Variants in RIN2 observed in about 807,000 individuals in gnomAD.
RIN2 encodes RAB5 interacting protein 2.
RIN2 carries 36 observed loss-of-function variants against 78.0 expected under a neutral mutation model. The observed-to-expected ratio is 0.46, with a 90% CI of 0.35 to 0.61. RIN2 has a LOEUF of 0.61. Among genes scored for constraint, RIN2 ranks in the 20% least tolerant of loss-of-function variants. The pLI, the probability that RIN2 is intolerant of heterozygous loss-of-function variation, is 0.00. For missense variants in RIN2, 1,087 were observed against 1,159.7 expected (o/e 0.94, Z 0.91); for synonymous variants, 466 against 466.8 (o/e 1.00, Z 0.02).
At chr20:19,803,001 A>G (rs1290390719) in intron 2 of RIN2, among the ~76,000 whole-genome samples, 12 of 152,166 alleles carry the variant, frequency 7.9e-5, no homozygotes, top group Non-Finnish European at 1.8e-4. Context: ...CCTCAGTGCA[A>G]TAGAACTTCA....
At chr20:19,931,010 A>C (rs2040418843) in intron 3 of RIN2, among the ~76,000 whole-genome samples, 1 of 152,104 alleles carries the variant, frequency 6.6e-6, no homozygotes, top group Non-Finnish European at 1.5e-5. Context: ...GAGCTTTGGG[A>C]GACCAAGGTG....
rs1163195197 is a variant in RIN2, at chr20:19,875,076, G to C, written c.-36-14490G>C. Among the ~76,000 whole-genome samples, 8 of 151,756 alleles carry C rather than the reference G, an allele frequency of 5.3e-5. No homozygotes were observed. In the East Asian group the frequency reaches 1.5e-3, roughly 29 times the overall value. On this transcript the variant is annotated intron_variant, in intron 2 of 12. Coordinates refer to ENST00000255006, the MANE Select transcript of RIN2 (RefSeq NM_018993.4). ...GGGTTTTGCTATGTTGTCCAGGCTG[G>C]TCTCCAACTCCTGACTTCAAGTGAT...
chr20:20,000,203 G>A (rs1601105144), intron 12 of RIN2, among the ~76,000 whole-genome samples: 1 of 152,220 alleles, frequency 6.6e-6, no homozygotes, highest in Non-Finnish European at 1.5e-5. Context: ...AGCACAGTAC[G>A]TGCTTTTGTG....
chr20:19,811,932 T>A lies in RIN2; in HGVS notation c.-37+12185T>A, dbSNP rs148246503. Among the ~76,000 whole-genome samples the A allele has an allele frequency of 1.0e-2, 1,522 of 152,272 alleles. 24 individuals carry two copies. Among genetic ancestry groups the A allele is most frequent in the African/African-American group, 0.033 (1,372 of 41,544 alleles). ...TGTACCAGTGTAGTGTTTTAGTAAATTTATACAGCTTTCCAGAAACTTTAC... is the reference window on the plus strand; with the variant it reads ...TGTACCAGTGTAGTGTTTTAGTAAAATTATACAGCTTTCCAGAAACTTTAC... On this transcript the variant is annotated intron_variant, in intron 2 of 12. Transcript: ENST00000255006.
In RIN2 at chr20:19,828,750, G is replaced by A. The variant is rs935172320; in HGVS notation, c.-37+29003G>A. ...GCCATCTCTTGGTTGCATTCTAACC[G>A]AGTGTCCCATTCCCTGTGATCTTGC... On this transcript the variant is annotated intron_variant, in intron 2 of 12. Transcript: ENST00000255006. Among the ~76,000 whole-genome samples the A allele has an allele frequency of 3.3e-5, 5 of 152,144 alleles. No individual in the cohort carries two copies. In the East Asian group the frequency reaches 5.8e-4, roughly 18 times the overall value.
At chr20:19,985,761 T>C (rs199599) in intron 9 of RIN2, among the ~76,000 whole-genome samples, 111,092 of 152,072 alleles carry the variant, frequency 0.73, 40,786 homozygotes, top group East Asian at 0.81. Flanking sequence ...CATATACTCA[T>C]CTTACTCATC....
At chr20:19,988,938 T>C (rs2042708240) in intron 9 of RIN2, among the ~76,000 whole-genome samples, 2 of 151,826 alleles carry the variant, frequency 1.3e-5, no homozygotes, top group Non-Finnish European at 1.5e-5. Flanking sequence ...CACACACAGA[T>C]ACATGCACGT....
chr20:19,847,279 T>C (rs960199035), intron 2 of RIN2, among the ~76,000 whole-genome samples: 1 of 152,220 alleles, frequency 6.6e-6, no homozygotes, highest in African/African-American at 2.4e-5. Flanking sequence ...AGGGTTTTGA[T>C]GCTCATCAGC....
At chr20:19,957,362 C>A (rs569238886) in intron 5 of RIN2, among the ~76,000 whole-genome samples, 1 of 152,202 alleles carries the variant, frequency 6.6e-6, no homozygotes, top group Non-Finnish European at 1.5e-5. Context: ...GACCACTCCA[C>A]GACTTGTGGA....
At chr20:19,882,697 C>T (rs1487099860) in intron 2 of RIN2, among the ~76,000 whole-genome samples, 1 of 152,152 alleles carries the variant, frequency 6.6e-6, no homozygotes, top group African/African-American at 2.4e-5. Flanking sequence ...GACCACTGAT[C>T]ACATGGAGCT....
intron 3 of RIN2, among the ~76,000 whole-genome samples, chr20:19,928,936 C>T (rs570541375): frequency 9.2e-5 from 14 of 152,314 alleles, no homozygotes; most frequent in Middle Eastern, 3.4e-3. Context: ...CCGGCAAGAC[C>T]TCCGTTGAGG....
Position 19,834,947 on chromosome 20 carries a change from AAG to A in RIN2, c.-37+35220_-37+35221del, listed in dbSNP as rs5840858. On this transcript the variant is annotated intron_variant, in intron 2 of 12. Coordinates refer to ENST00000255006, the MANE Select transcript of RIN2 (RefSeq NM_018993.4). The stretch of plus-strand genomic sequence containing the variant: ...CAACAGAGCAGGACCCTGTGAAGAA[AAG>A]AGAGAGAGAGAGAGAGAGAAAGAAA... 3.9e-3 allele frequency among the ~76,000 whole-genome samples: 562 copies of A among 143,740 alleles called. 4 individuals are homozygous for A. Among genetic ancestry groups the A allele is most frequent in the African/African-American group, 0.011 (428 of 38,938 alleles). The allele number at this position is 143,740 out of a possible 152,430, so 94.3% of individuals were successfully genotyped here.
intron 2 of RIN2, among the ~76,000 whole-genome samples, chr20:19,849,923 T>G (rs577666825): frequency 6.6e-6 from 1 of 152,286 alleles, no homozygotes; most frequent in South Asian, 2.1e-4. Flanking sequence ...AAATTTTCCC[T>G]CTTTGTTCCT....
intron 1 of RIN2, among the ~76,000 whole-genome samples, chr20:19,791,420 T>A (rs1216058714): frequency 1.3e-5 from 2 of 152,186 alleles, no homozygotes; most frequent in Non-Finnish European, 2.9e-5. Flanking sequence ...TTAGATAATT[T>A]AAGGTCAACA....
chr20:19,830,087 A>G (rs2036207274), intron 2 of RIN2, among the ~76,000 whole-genome samples: 1 of 152,204 alleles, frequency 6.6e-6, no homozygotes, highest in Non-Finnish European at 1.5e-5. Context: ...GATTTGGGGG[A>G]TACCCAAATG....
chr20:19,788,424 G>A (rs2034758753), intron 1 of RIN2, among the ~76,000 whole-genome samples: 1 of 65,816 alleles, frequency 1.5e-5, no homozygotes, highest in African/African-American at 2.1e-4. Flanking sequence ...GCGAAATCCT[G>A]TCTCTGCCAA....
chr20:19,807,349 C>G (rs573241932), intron 2 of RIN2, among the ~76,000 whole-genome samples: 2 of 152,150 alleles, frequency 1.3e-5, no homozygotes, highest in African/African-American at 4.8e-5. Flanking sequence ...ATTGGGCAAA[C>G]ATGATGTGAA....
intron 2 of RIN2, among the ~76,000 whole-genome samples, chr20:19,857,470 A>G (rs534583218): frequency 1.2e-4 from 18 of 152,170 alleles, no homozygotes; most frequent in Non-Finnish European, 2.4e-4. Context: ...TTGTAGACAC[A>G]TACATCCATT....
At chr20:19,843,427 C>T (rs1049896998) in intron 2 of RIN2, among the ~76,000 whole-genome samples, 2 of 152,180 alleles carry the variant, frequency 1.3e-5, no homozygotes, top group Admixed American at 6.5e-5. Flanking sequence ...CAGCAACCAC[C>T]ACTCTGATCA....
Sources: gnomAD v4.1 joint callset for allele counts (sites outside exome capture counted in the v4.1 genomes callset) on GRCh38, gnomAD v4.1.1 for gene constraint, MANE v1.5 for transcripts, NCBI Gene and HGNC (gene_info 2026-07-23, HGNC 2026-07-21) for gene names.